The following COL6A6 variants were observed in gnomAD, a reference collection of about 807,000 sequenced individuals.
The protein encoded by COL6A6 is collagen alpha-6(VI) chain.
COL6A6 carries 183 observed loss-of-function variants against 208.6 expected under a neutral mutation model. The ratio of observed to expected loss-of-function variants is 0.88; its 90% CI spans 0.78 to 0.99. The LOEUF (loss-of-function observed/expected upper bound fraction) is 0.99. Ranked by LOEUF, COL6A6 falls within the 50% of genes least tolerant of loss-of-function variation. The pLI is 0.00. For synonymous variants in COL6A6, 973 were observed against 1,011.8 expected, an observed-to-expected ratio of 0.96 and a Z score of 0.73; for missense variants, 2,816 against 2,815.2, an observed-to-expected ratio of 1.00 and a Z score of -0.01.
intron 35 of COL6A6, 75 bp from the exon 36 acceptor site, chr3:130,664,928 C>T: frequency 3.1e-6 from 3 of 961,782 alleles, no homozygotes; most frequent in Non-Finnish European, 3.2e-6. Context: ...TAAAGTGGCA[C>T]TTTGTGTACA....
intron 11 of COL6A6, among the ~76,000 whole-genome samples, chr3:130,588,808 G>A (rs58717913): frequency 0.13 from 19,652 of 149,872 alleles, 1,774 homozygotes; most frequent in East Asian, 0.48. Flanking sequence ...CATGCAGTCA[G>A]TTTGCCATAG....
At chr3:130,541,262 C>T (rs1162997168) in intron 1 of COL6A6, among the ~76,000 whole-genome samples, 2 of 152,200 alleles carry the variant, frequency 1.3e-5, no homozygotes, top group Non-Finnish European at 2.9e-5. Context: ...CCACAGTGAT[C>T]AGATTGGCTT....
chr3:130,547,347 A>G (rs4462940), intron 1 of COL6A6, among the ~76,000 whole-genome samples: 121,196 of 152,256 alleles, frequency 0.8, 48,959 homozygotes, highest in Non-Finnish European at 0.86. Flanking sequence ...CCTGCCAGCC[A>G]CTCCAAGTGC....
intron 36 of COL6A6, among the ~76,000 whole-genome samples, chr3:130,669,693 A>C (rs2108488099): frequency 6.6e-6 from 1 of 152,328 alleles, no homozygotes; most frequent in South Asian, 2.1e-4. Flanking sequence ...GAAATGAATG[A>C]GTAGAACTTA....
chr3:130,618,072 G>A (rs2064588518), intron 23 of COL6A6, among the ~76,000 whole-genome samples: 1 of 152,092 alleles, frequency 6.6e-6, no homozygotes, highest in Non-Finnish European at 1.5e-5. Context: ...GTTTGATGTG[G>A]CCCCAGCCTT....
chr3:130,662,535 T>C (rs146704381), intron 35 of COL6A6, among the ~76,000 whole-genome samples: 12 of 152,090 alleles, frequency 7.9e-5, no homozygotes, highest in Middle Eastern at 3.2e-3. Context: ...CTGGTTCCTA[T>C]AGAGAAGCAA....
intron 34 of COL6A6, among the ~76,000 whole-genome samples, chr3:130,659,125 C>G (rs559442124): frequency 6.6e-6 from 1 of 152,310 alleles, no homozygotes; most frequent in South Asian, 2.1e-4. Flanking sequence ...TTCACAGCCA[C>G]AAAGAAATGC....
chr3:130,641,204 C>CT (rs1481060142), intron 28 of COL6A6, among the ~76,000 whole-genome samples: 1 of 144,442 alleles, frequency 6.9e-6, no homozygotes, highest in African/African-American at 2.4e-5. Context: ...AAGGGACTAA[C>CT]TAAATTATCT....
chr3:130,642,736 T>C (rs2065353349), intron 29 of COL6A6, 96 bp from the exon 30 acceptor site: 1 of 1,113,780 alleles, frequency 9.0e-7, no homozygotes, highest in Non-Finnish European at 1.3e-6. Context: ...ATAAAACTTT[T>C]AAAAGTTATC....
intron 26 of COL6A6, among the ~76,000 whole-genome samples, chr3:130,634,242 T>TAAA (rs202193097): frequency 2.4e-3 from 56 of 23,800 alleles, no homozygotes; most frequent in Middle Eastern, 0.026. Context: ...AATAAATAAA[T>TAAA]AAAAAAAAAA....
intron 28 of COL6A6, among the ~76,000 whole-genome samples, chr3:130,639,445 C>A (rs533735220): frequency 1.3e-5 from 2 of 152,178 alleles, no homozygotes; most frequent in African/African-American, 4.8e-5. Context: ...ATCATCCCAG[C>A]ACTCTGGGAG....
At chr3:130,563,740 C>A in intron 3 of COL6A6, 76 bp downstream of exon 3, 1 of 983,032 alleles carries the variant, frequency 1.0e-6, no homozygotes, top group Non-Finnish European at 1.5e-6. Flanking sequence ...GATTGAAATT[C>A]TATGAATATT....
At chr3:130,591,542 C>T (rs1330366403) in intron 13 of COL6A6, among the ~76,000 whole-genome samples, 2 of 152,138 alleles carry the variant, frequency 1.3e-5, no homozygotes, top group East Asian at 3.8e-4. Context: ...TATCAAAGAC[C>T]TCACACTTTA....
rs760097486 is a variant in COL6A6, at chr3:130,581,543, T to C, written c.3548-18T>C. The C allele has an allele frequency of 7.1e-6, 11 of 1,556,418 alleles. No individual in the cohort carries two copies. In the Middle Eastern group the frequency reaches 6.9e-4, roughly 97 times the overall value. Reference sequence around the variant, plus strand: ...CGTTTGTTGATTTATTAAGACATGCTTTTCCTTTGAATCCTAGACTGTTTC... The same window carrying C: ...CGTTTGTTGATTTATTAAGACATGCCTTTCCTTTGAATCCTAGACTGTTTC... On this transcript the variant is annotated intron_variant, in intron 8 of 36. Transcript: ENST00000358511.
intron 1 of COL6A6, among the ~76,000 whole-genome samples, chr3:130,522,456 C>A (rs1197512007): frequency 6.6e-6 from 1 of 152,176 alleles, no homozygotes; most frequent in African/African-American, 2.4e-5. Context: ...AACACATGCT[C>A]AGTGAAGATA....
chr3:130,547,561 C>T (rs540935324), intron 1 of COL6A6, among the ~76,000 whole-genome samples: 17 of 152,340 alleles, frequency 1.1e-4, no homozygotes, highest in South Asian at 4.1e-4. Context: ...GAGCAGATGC[C>T]GAGGCCGAGG....
intron 36 of COL6A6, among the ~76,000 whole-genome samples, chr3:130,668,115 C>CA (rs1438046768): frequency 1.2e-3 from 181 of 150,296 alleles, no homozygotes; most frequent in East Asian, 2.4e-3. Context: ...TGAGTAATCA[C>CA]AAAAAAAACA....
chr3:130,662,446 T>C (rs1007703505), intron 35 of COL6A6, 138 bp downstream of exon 35: 22 of 773,292 alleles, frequency 2.8e-5, no homozygotes, highest in South Asian at 9.2e-5. Context: ...AAGGAAAATA[T>C]ATAATGACGG....
At chr3:130,555,285 C>T (rs1014718279) in intron 1 of COL6A6, among the ~76,000 whole-genome samples, 1 of 152,178 alleles carries the variant, frequency 6.6e-6, no homozygotes, top group Non-Finnish European at 1.5e-5. Flanking sequence ...CTGTTGAACT[C>T]ACCCCTTCCC....
Sources: allele counts gnomAD v4.1 joint callset (sites outside exome capture counted in the v4.1 genomes callset), GRCh38; gene constraint gnomAD v4.1.1; transcripts MANE v1.5; gene names NCBI Gene and HGNC (gene_info 2026-07-23, HGNC 2026-07-21).